The following ANXA6 variants were observed in gnomAD, a reference collection of about 807,000 sequenced individuals.
ANXA6 encodes the protein 67 kDa calelectrin.
Under a neutral mutation model 95.4 loss-of-function variants are expected in ANXA6, and 71 were observed. The observed-to-expected ratio is 0.74, with a 90% confidence interval of 0.61 to 0.91. ANXA6 has a LOEUF of 0.91. Ranked by LOEUF, ANXA6 falls within the 40% of genes least tolerant of loss-of-function variation. The probability of loss-of-function intolerance (pLI) is 0.00; values close to 1 mark genes in which losing one functional copy is unlikely to be tolerated. For synonymous variants in ANXA6, 289 were observed against 315.9 expected, an observed-to-expected ratio of 0.91 and a Z score of 0.90; for missense variants, 830 against 876.4, an observed-to-expected ratio of 0.95 and a Z score of 0.67.
intron 1 of ANXA6, among the ~76,000 whole-genome samples, chr5:151,156,951 C>T (rs1766252247): frequency 6.6e-6 from 1 of 152,162 alleles, no homozygotes; most frequent in Admixed American, 6.5e-5. Context: ...GCTGGGATTC[C>T]GATTCAGGGT....
At chr5:151,136,154 C>G (rs1765653080) in intron 7 of ANXA6, 102 bp downstream of exon 7, 2 of 1,133,582 alleles carry the variant, frequency 1.8e-6, no homozygotes. Context: ...CTGTGCAAAC[C>G]AGGGGAAGCT....
At chr5:151,103,496 A>C in intron 25 of ANXA6, 74 bp downstream of exon 25, 2 of 1,484,058 alleles carry the variant, frequency 1.3e-6, no homozygotes, top group Non-Finnish European at 1.8e-6. Flanking sequence ...GTCCATGGGA[A>C]TAAAGACTTC....
At chr5:151,142,396 T>C (rs925201205) in intron 2 of ANXA6, among the ~76,000 whole-genome samples, 1 of 151,928 alleles carries the variant, frequency 6.6e-6, no homozygotes, top group Admixed American at 6.6e-5. Context: ...GAGAATCACT[T>C]GAACCTGGGA....
intron 1 of ANXA6, among the ~76,000 whole-genome samples, chr5:151,149,544 T>A (rs1313875405): frequency 6.6e-6 from 1 of 152,066 alleles, no homozygotes; most frequent in Non-Finnish European, 1.5e-5. Context: ...TGGAGTGCAG[T>A]GGCGCAATCT....
intron 2 of ANXA6, among the ~76,000 whole-genome samples, chr5:151,145,202 C>T (rs1031597273): frequency 1.3e-5 from 2 of 152,204 alleles, no homozygotes; most frequent in Non-Finnish European, 2.9e-5. Flanking sequence ...CCCACCCAGG[C>T]TGCTGCTGGA....
intron 15 of ANXA6, among the ~76,000 whole-genome samples, chr5:151,123,688 T>C (rs3792777): frequency 0.14 from 20,924 of 152,192 alleles, 1,548 homozygotes; most frequent in South Asian, 0.18. Flanking sequence ...TAAAGCCTCC[T>C]GGGAGTTGCT....
chr5:151,105,891 G>T (rs955247656), intron 23 of ANXA6, among the ~76,000 whole-genome samples: 4 of 152,246 alleles, frequency 2.6e-5, no homozygotes, highest in Middle Eastern at 3.4e-3. Flanking sequence ...TGGTGCCAAA[G>T]TAATTACAAT....
In ANXA6 at chr5:151,103,701, G is replaced by A. The variant is rs770525545; in HGVS notation, c.1840-9C>T. 1.2e-6 allele frequency: 2 copies of A among 1,606,138 alleles called. No homozygotes were observed. The highest frequency in any genetic ancestry group is 1.7e-5 in the Admixed American group (1 of 58,884). ...TCATCTGTGCCAGCACCCTGGTGGA[G>A]CCAGGCAGGAGGGAGACACAGGCGG... On this transcript the variant is annotated splice_polypyrimidine_tract_variant and intron_variant, in intron 24 of 25. Coordinates refer to ENST00000354546, the MANE Select transcript of ANXA6 (RefSeq NM_001155.5).
In ANXA6 at chr5:151,137,361, T is replaced by C. The variant is rs1162562796; in HGVS notation, c.319-40A>G. On this transcript the variant is annotated intron_variant, in intron 5 of 25. Transcript: ENST00000354546. Reference sequence around the variant, plus strand: ...AGAGCGCATGAATTAAGGGCAGGGATGGGAGGTCACTGGACACAGGTTGGG... The same window carrying C: ...AGAGCGCATGAATTAAGGGCAGGGACGGGAGGTCACTGGACACAGGTTGGG... 2.6e-6 allele frequency: 4 copies of C among 1,547,882 alleles called. No individual in the cohort carries two copies. In the Admixed American group the frequency reaches 6.9e-5, roughly 27 times the overall value.
intron 1 of ANXA6, among the ~76,000 whole-genome samples, chr5:151,152,672 T>C (rs1392247029): frequency 3.9e-5 from 6 of 152,204 alleles, no homozygotes; most frequent in Non-Finnish European, 4.4e-5. Context: ...TATCACCACT[T>C]TCCAAATGTT....
At position 151,131,365 on chromosome 5, in the gene ANXA6, G is replaced by C; in HGVS notation, c.737-76C>G. 2 of 1,475,008 alleles carry C rather than the reference G, an allele frequency of 1.4e-6. 1 individual carries two copies. The allele number at this position is 1,475,008 out of a possible 1,614,324, so 91.4% of individuals were successfully genotyped here. A position where few individuals can be genotyped will look rare whatever the true frequency, so the allele number is the denominator to read the frequency against. Reference sequence around the variant, plus strand: ...GATGGGATGGCCTGACTCCCTCTTTGTTTCTATTCCTTGAGGGCCACCTAG... The same window carrying C: ...GATGGGATGGCCTGACTCCCTCTTTCTTTCTATTCCTTGAGGGCCACCTAG... On this transcript the variant is annotated intron_variant, in intron 10 of 25. Transcript: ENST00000354546.
chr5:151,147,577 C>T (rs1482255487), intron 2 of ANXA6, among the ~76,000 whole-genome samples: 2 of 152,238 alleles, frequency 1.3e-5, no homozygotes, highest in African/African-American at 4.8e-5. Flanking sequence ...CCAGCTCACA[C>T]AGGCAGAATC....
At chr5:151,127,246 C>A (rs936815094) in intron 13 of ANXA6, among the ~76,000 whole-genome samples, 2 of 152,236 alleles carry the variant, frequency 1.3e-5, no homozygotes, top group Non-Finnish European at 2.9e-5. Context: ...CTGCATCAAC[C>A]CCTATGGTCC....
In ANXA6 at chr5:151,114,613, T is replaced by TAAAAAAAAAAA. The variant is rs61407672; in HGVS notation, c.1572+2503_1572+2513dup. On this transcript the variant is annotated intron_variant, in intron 20 of 25. Transcript: ENST00000354546. Reference sequence around the variant, plus strand: ...TGGGCAACAGAGCGAGACTCCGTCTTAAAAAAAAAAAAAAAAAAAAAAAAA... The same window carrying TAAAAAAAAAAA: ...TGGGCAACAGAGCGAGACTCCGTCTTAAAAAAAAAAAAAAAAAAAAAAAAAAAAAAAAAAAA... 1.2e-3 allele frequency among the ~76,000 whole-genome samples: 84 copies of TAAAAAAAAAAA among 70,312 alleles called. 3 individuals carry two copies. Among genetic ancestry groups the TAAAAAAAAAAA allele is most frequent in the East Asian group, 2.0e-3 (4 of 1,988 alleles). The allele number at this position is 70,312 out of a possible 152,430, so 46.1% of individuals were successfully genotyped here. A position where few individuals can be genotyped will look rare whatever the true frequency, so the allele number is the denominator to read the frequency against.
intron 17 of ANXA6, among the ~76,000 whole-genome samples, chr5:151,121,178 G>A (rs1765157678): frequency 6.6e-6 from 1 of 152,176 alleles, no homozygotes; most frequent in African/African-American, 2.4e-5. Context: ...CTGGTTTTAT[G>A]CGGTTGTCAA....
intron 14 of ANXA6, among the ~76,000 whole-genome samples, 169 bp downstream of exon 14, chr5:151,126,233 G>GC (rs1161925824): frequency 1.3e-5 from 2 of 151,894 alleles, no homozygotes; most frequent in Admixed American, 1.3e-4. Context: ...AACCAGGTGC[G>GC]CCCCTCCACC....
At position 151,100,976 on chromosome 5, in the gene ANXA6, G is replaced by A. The variant is rs1474604229; in HGVS notation, c.*472C>T. On this transcript the variant is annotated 3_prime_UTR_variant, in exon 26 of 26. Transcript: ENST00000354546. ...CTCTAGCGCGGCCTGGATGGAGATG[G>A]GTGGTGAAATGGATGGGAAGATTTG... The A allele has an allele frequency of 6.6e-6, 3 of 457,498 alleles. No individual in the cohort carries two copies. The highest frequency in any genetic ancestry group is 4.7e-5 in the Admixed American group (2 of 42,604). The allele number at this position is 457,498 out of a possible 1,614,324, so 28.3% of individuals were successfully genotyped here.
At chr5:151,152,694 C>T (rs2113962290) in intron 1 of ANXA6, among the ~76,000 whole-genome samples, 1 of 152,180 alleles carries the variant, frequency 6.6e-6, no homozygotes, top group East Asian at 1.9e-4. Flanking sequence ...TAATCTTGCC[C>T]TTTTATGTCC....
At chr5:151,103,808 GATGTTCCAC>G in intron 24 of ANXA6, 116 bp from the exon 25 acceptor site, 1 of 1,264,654 alleles carries the variant, frequency 7.9e-7, no homozygotes. Context: ...AAACAGGGCG[GATGTTCCAC>G]CTCTGTCTTC....
Sources: allele counts gnomAD v4.1 joint callset (sites outside exome capture counted in the v4.1 genomes callset), GRCh38; gene constraint gnomAD v4.1.1; transcripts MANE v1.5; gene names NCBI Gene and HGNC (gene_info 2026-07-23, HGNC 2026-07-21).